ASB18: variants seen among roughly 807,000 people sequenced by gnomAD.
ASB18 encodes the protein ankyrin repeat and SOCS box containing 18, also known as ankyrin repeat and SOCS box protein 18.
ASB18 carries 33 observed loss-of-function variants against 33.4 expected under a neutral mutation model. The observed-to-expected ratio is 0.99, with a 90% CI of 0.75 to 1.32. ASB18 has a LOEUF of 1.32. Ranked by LOEUF, ASB18 falls within the 40% of genes most tolerant of loss-of-function variation. ASB18 has a pLI of 0.00. For synonymous variants in ASB18, 295 were observed against 307.6 expected (o/e 0.96, Z 0.43); for missense variants, 694 against 655.5 (o/e 1.06, Z -0.64).
chr2:236,233,655 C>T (rs991074794), intron 3 of ASB18, among the ~76,000 whole-genome samples: 1 of 152,036 alleles, frequency 6.6e-6, no homozygotes. Context: ...TTTAAATATA[C>T]AGTTGACAAC....
In ASB18 at chr2:236,226,027, T is replaced by C. The variant is rs967329126; in HGVS notation, c.597-11161A>G. Among the ~76,000 whole-genome samples, 5 of 152,190 alleles carry C rather than the reference T, an allele frequency of 3.3e-5. No individual in the cohort carries two copies. Among genetic ancestry groups the C allele is most frequent in the African/African-American group, 9.7e-5 (4 of 41,440 alleles). ...CTAAAATCTACTGTGTTTAAAAAGATTGCAGAGAAAGTAGCTCTTTCTTGT... is the reference window on the plus strand; with the variant it reads ...CTAAAATCTACTGTGTTTAAAAAGACTGCAGAGAAAGTAGCTCTTTCTTGT... On this transcript the variant is annotated intron_variant, in intron 3 of 5. Transcript: ENST00000409749. The surrounding 1 kb of genome is among the most constrained non-coding windows in gnomAD (Gnocchi z 4.8).
In ASB18 at chr2:236,223,580, G is replaced by A. The variant is rs2060522821; in HGVS notation, c.597-8714C>T. Among the ~76,000 whole-genome samples, 1 of 152,144 alleles carries A rather than the reference G, an allele frequency of 6.6e-6. No homozygotes were observed. The highest frequency in any genetic ancestry group is 1.9e-4 in the East Asian group (1 of 5,202). On this transcript the variant is annotated intron_variant, in intron 3 of 5. Transcript: ENST00000409749. The surrounding 1 kb of genome is among the most constrained non-coding windows in gnomAD (Gnocchi z 4.6). ...GAGGTACACACGCAGAAATGCACAG[G>A]TCTTAAGAGCACAATTGAATGAATT...
chr2:236,262,702 C>G lies in ASB18; in HGVS notation c.205+1439G>C, dbSNP rs901731039. 2.6e-5 allele frequency among the ~76,000 whole-genome samples: 4 copies of G among 152,150 alleles called. No homozygotes were observed. Among genetic ancestry groups the G allele is most frequent in the African/African-American group, 9.7e-5 (4 of 41,420 alleles). On this transcript the variant is annotated intron_variant, in intron 1 of 5. Transcript: ENST00000409749. This position sits in a 1 kb window ranked among gnomAD's most constrained non-coding sequence, Gnocchi z 5.2. Reference sequence around the variant, plus strand: ...GTGATGACAACCTCCCCTAAACCCCCCCCAGGGCAATCTTCTAGAGAGATG... The same window carrying G: ...GTGATGACAACCTCCCCTAAACCCCGCCCAGGGCAATCTTCTAGAGAGATG...
chr2:236,214,304 C>T lies in ASB18; in HGVS notation c.1101+58G>A, dbSNP rs2060473515. ...GCCGCATGCAACCCAGCTCCCAGGC[C>T]GGTCACTAAGTGGCAAAACTCCAGG... is the stretch of plus-strand genomic sequence containing the variant. On this transcript the variant is annotated intron_variant, in intron 4 of 5. Coordinates refer to ENST00000409749, the MANE Select transcript of ASB18 (RefSeq NM_212556.4). This position sits in a 1 kb window ranked among gnomAD's most constrained non-coding sequence, Gnocchi z 6.5. 4 of 1,521,064 alleles carry T rather than the reference C, an allele frequency of 2.6e-6. No homozygotes were observed. The highest frequency in any genetic ancestry group is 2.6e-6 in the Non-Finnish European group (3 of 1,134,954). 94.2% of individuals were successfully genotyped at this position (1,521,064 alleles called of 1,614,324 possible). A position where few individuals can be genotyped will look rare whatever the true frequency, so the allele number is the denominator to read the frequency against.
rs1285585375 is a variant in ASB18, at chr2:236,219,781, C to T, written c.597-4915G>A. The stretch of plus-strand genomic sequence containing the variant: ...CCCAGCCTTGGCTGAGCCTTTTACT[C>T]CAAGGCAAGATTTTGTGAGTGGGTT... On this transcript the variant is annotated intron_variant, in intron 3 of 5. Transcript: ENST00000409749. This position sits in a 1 kb window ranked among gnomAD's most constrained non-coding sequence, Gnocchi z 6.4. Among the ~76,000 whole-genome samples, 1 of 152,134 alleles carries T rather than the reference C, an allele frequency of 6.6e-6. No homozygotes were observed. The highest frequency in any genetic ancestry group is 2.1e-4 in the South Asian group (1 of 4,816).
rs1331696297 is a variant in ASB18 at position 236,255,706 on chromosome 2, GCTTTTCCA to G, written c.205+8427_205+8434del. On this transcript the variant is annotated intron_variant, in intron 1 of 5. Coordinates refer to ENST00000409749, the MANE Select transcript of ASB18 (RefSeq NM_212556.4). This position sits in a 1 kb window ranked among gnomAD's most constrained non-coding sequence, Gnocchi z 4.4. Reference sequence around the variant, plus strand: ...TTCCTTTGCTGAATGGCTCCTCATGGCTTTTCCAAGTAAGTGTAAACACCTGTGCCTAG... The same window carrying G: ...TTCCTTTGCTGAATGGCTCCTCATGGAGTAAGTGTAAACACCTGTGCCTAG... Among the ~76,000 whole-genome samples, 4 of 152,160 alleles carry G rather than the reference GCTTTTCCA, an allele frequency of 2.6e-5. No individual in the cohort carries two copies. Among genetic ancestry groups the G allele is most frequent in the African/African-American group, 7.2e-5 (3 of 41,426 alleles).
In ASB18 at chr2:236,193,784, A is replaced by C. The variant is rs911053323; in HGVS notation, c.*1088T>G. 6.7e-6 allele frequency among the ~76,000 whole-genome samples: 1 copy of C among 149,108 alleles called. No individual in the cohort carries two copies. The highest frequency in any genetic ancestry group is 1.5e-5 in the Non-Finnish European group (1 of 66,896). Reference sequence around the variant, plus strand: ...CTCAAAACAAACAAACAAACAAACAAAAAAACAAAAAAGAAACAAGACTGA... The same window carrying C: ...CTCAAAACAAACAAACAAACAAACACAAAAACAAAAAAGAAACAAGACTGA... On this transcript the variant is annotated 3_prime_UTR_variant, in exon 6 of 6. Coordinates refer to ENST00000409749, the MANE Select transcript of ASB18 (RefSeq NM_212556.4). The surrounding 1 kb of genome is among the most constrained non-coding windows in gnomAD (Gnocchi z 5.0).
chr2:236,257,839 T>A lies in ASB18; in HGVS notation c.205+6302A>T, dbSNP rs1334066563. On this transcript the variant is annotated intron_variant, in intron 1 of 5. Coordinates refer to ENST00000409749, the MANE Select transcript of ASB18 (RefSeq NM_212556.4). This position sits in a 1 kb window ranked among gnomAD's most constrained non-coding sequence, Gnocchi z 5.5. ...AGGGCACTGGGTTTACAGTGCCAAT[T>A]GTCTGTGGAACCCAAGGTGTGTCAT... Among the ~76,000 whole-genome samples, 3 of 152,154 alleles carry A rather than the reference T, an allele frequency of 2.0e-5. No homozygotes were observed. The highest frequency in any genetic ancestry group is 7.2e-5 in the African/African-American group (3 of 41,450).
At position 236,228,081 on chromosome 2, in the gene ASB18, C is replaced by A. The variant is rs2060548560; in HGVS notation, c.596+9608G>T. ...TTTTTCACAAGATGATACCTTTTTA[C>A]ATCCCAGCAAATCATCTATCAGATG... On this transcript the variant is annotated intron_variant, in intron 3 of 5. Coordinates refer to ENST00000409749, the MANE Select transcript of ASB18 (RefSeq NM_212556.4). This position sits in a 1 kb window ranked among gnomAD's most constrained non-coding sequence, Gnocchi z 5.1. Among the ~76,000 whole-genome samples the A allele has an allele frequency of 6.6e-6, 1 of 152,208 alleles. No homozygotes were observed. Among genetic ancestry groups the A allele is most frequent in the African/African-American group, 2.4e-5 (1 of 41,440 alleles).
intron 4 of ASB18, among the ~76,000 whole-genome samples, chr2:236,212,590 T>C (rs991898777): frequency 1.3e-5 from 2 of 152,200 alleles, no homozygotes; most frequent in Admixed American, 1.3e-4. Context: ...CCAGATATTT[T>C]CCCCTTTTGG....
rs1053768527 is a variant in ASB18 at position 236,239,912 on chromosome 2, C to A, written c.328+1368G>T. On this transcript the variant is annotated intron_variant, in intron 2 of 5. Transcript: ENST00000409749. The surrounding 1 kb of genome is among the most constrained non-coding windows in gnomAD (Gnocchi z 5.6). ...GCCTGAGCTTGCCTCCCTCTCTTCC[C>A]AGCCTGTGTGGAGGCCTTGGGCCAC... 2.0e-5 allele frequency among the ~76,000 whole-genome samples: 3 copies of A among 152,350 alleles called. No homozygotes were observed. The highest frequency in any genetic ancestry group is 3.4e-3 in the Middle Eastern group (1 of 294).
rs1369204254 is a variant in ASB18 at position 236,223,084 on chromosome 2, C to T, written c.597-8218G>A. Among the ~76,000 whole-genome samples the T allele has an allele frequency of 1.3e-5, 2 of 152,170 alleles. No individual in the cohort carries two copies. The highest frequency in any genetic ancestry group is 2.4e-5 in the African/African-American group (1 of 41,446). On this transcript the variant is annotated intron_variant, in intron 3 of 5. Transcript: ENST00000409749. The surrounding 1 kb of genome is among the most constrained non-coding windows in gnomAD (Gnocchi z 4.6). ...TTTCACTGTGTGGTGTGCCTGCTTGCTGTTTGCCTTCTGCCATGAGTAAAA... is the reference window on the plus strand; with the variant it reads ...TTTCACTGTGTGGTGTGCCTGCTTGTTGTTTGCCTTCTGCCATGAGTAAAA...
Position 236,262,379 on chromosome 2 carries a change from C to T in ASB18, c.205+1762G>A, listed in dbSNP as rs1574675878. 2.0e-5 allele frequency among the ~76,000 whole-genome samples: 3 copies of T among 152,346 alleles called. 1 individual carries two copies. The South Asian group carries it at 6.2e-4, about 32-fold the overall frequency. ...GCAGCAGCCACAGCGGATGGCCATT[C>T]CTAACCCTGTACCTGATAGGGCTGG... On this transcript the variant is annotated intron_variant, in intron 1 of 5. Transcript: ENST00000409749. This position sits in a 1 kb window ranked among gnomAD's most constrained non-coding sequence, Gnocchi z 5.2.
rs1001613658 is a variant in ASB18, at chr2:236,259,733, C to T, written c.205+4408G>A. On this transcript the variant is annotated intron_variant, in intron 1 of 5. Coordinates refer to ENST00000409749, the MANE Select transcript of ASB18 (RefSeq NM_212556.4). This position sits in a 1 kb window ranked among gnomAD's most constrained non-coding sequence, Gnocchi z 4.4. Reference sequence around the variant, plus strand: ...TCTCAGGTCCATCCTTGCAGGAGAGCAGGTGCCTTCACAAGGGCACAGGCC... The same window carrying T: ...TCTCAGGTCCATCCTTGCAGGAGAGTAGGTGCCTTCACAAGGGCACAGGCC... 8.1e-6 allele frequency: 3 copies of T among 371,368 alleles called. No individual in the cohort carries two copies. Among genetic ancestry groups the T allele is most frequent in the South Asian group, 4.1e-5 (2 of 49,220 alleles). The allele number at this position is 371,368 out of a possible 1,614,324, so 23.0% of individuals were successfully genotyped here. A position where few individuals can be genotyped will look rare whatever the true frequency, so the allele number is the denominator to read the frequency against.
rs2060713271 is a variant in ASB18 at position 236,260,608 on chromosome 2, A to T, written c.205+3533T>A. ...ATGCCCATTTTAGGCTGCGACAGTG[A>T]GTCTTTGGGATTATGGCCTCAGAGA... On this transcript the variant is annotated intron_variant, in intron 1 of 5. Coordinates refer to ENST00000409749, the MANE Select transcript of ASB18 (RefSeq NM_212556.4). The surrounding 1 kb of genome is among the most constrained non-coding windows in gnomAD (Gnocchi z 5.1). 6.6e-6 allele frequency among the ~76,000 whole-genome samples: 1 copy of T among 152,182 alleles called. No individual in the cohort carries two copies. Among genetic ancestry groups the T allele is most frequent in the South Asian group, 2.1e-4 (1 of 4,824 alleles).
At position 236,211,830 on chromosome 2, in the gene ASB18, G is replaced by A. The variant is rs1196899816; in HGVS notation, c.1101+2532C>T. Among the ~76,000 whole-genome samples, 1 of 152,180 alleles carries A rather than the reference G, an allele frequency of 6.6e-6. No homozygotes were observed. Among genetic ancestry groups the A allele is most frequent in the Non-Finnish European group, 1.5e-5 (1 of 68,044 alleles). ...TTGCTTGTGGGATTCTCAGCATGGTGAATGCATCCTCATCCACCATCCTCT... is the reference window on the plus strand; with the variant it reads ...TTGCTTGTGGGATTCTCAGCATGGTAAATGCATCCTCATCCACCATCCTCT... On this transcript the variant is annotated intron_variant, in intron 4 of 5. Transcript: ENST00000409749. This position sits in a 1 kb window ranked among gnomAD's most constrained non-coding sequence, Gnocchi z 5.0.
rs1383983075 is a variant in ASB18, at chr2:236,203,702, C to T, written c.1102-7317G>A. Reference sequence around the variant, plus strand: ...GCAACATGGAGAAACCCTGTTTCTACAAAAAATACAAAAACTTAGCTGGGT... The same window carrying T: ...GCAACATGGAGAAACCCTGTTTCTATAAAAAATACAAAAACTTAGCTGGGT... On this transcript the variant is annotated intron_variant, in intron 4 of 5. Coordinates refer to ENST00000409749, the MANE Select transcript of ASB18 (RefSeq NM_212556.4). This position sits in a 1 kb window ranked among gnomAD's most constrained non-coding sequence, Gnocchi z 6.0. Among the ~76,000 whole-genome samples, 2 of 151,996 alleles carry T rather than the reference C, an allele frequency of 1.3e-5. No homozygotes were observed. The highest frequency in any genetic ancestry group is 2.4e-5 in the African/African-American group (1 of 41,386).
Position 236,209,682 on chromosome 2 carries a change from G to C in ASB18, c.1101+4680C>G, listed in dbSNP as rs992186877. Among the ~76,000 whole-genome samples the C allele has an allele frequency of 2.6e-5, 4 of 152,290 alleles. No individual in the cohort carries two copies. The highest frequency in any genetic ancestry group is 9.6e-5 in the African/African-American group (4 of 41,570). ...GCCCCCTACCTGGTGTGTTCTCTACGTCGAGCTTAGAAATTCCAAAATACT... is the reference window on the plus strand; with the variant it reads ...GCCCCCTACCTGGTGTGTTCTCTACCTCGAGCTTAGAAATTCCAAAATACT... On this transcript the variant is annotated intron_variant, in intron 4 of 5. Coordinates refer to ENST00000409749, the MANE Select transcript of ASB18 (RefSeq NM_212556.4). This position sits in a 1 kb window ranked among gnomAD's most constrained non-coding sequence, Gnocchi z 4.4.
Position 236,260,976 on chromosome 2 carries a change from T to C in ASB18, c.205+3165A>G, listed in dbSNP as rs1470550833. Among the ~76,000 whole-genome samples, 3 of 152,130 alleles carry C rather than the reference T, an allele frequency of 2.0e-5. No homozygotes were observed. Among genetic ancestry groups the C allele is most frequent in the Non-Finnish European group, 4.4e-5 (3 of 68,032 alleles). On this transcript the variant is annotated intron_variant, in intron 1 of 5. Transcript: ENST00000409749. This position sits in a 1 kb window ranked among gnomAD's most constrained non-coding sequence, Gnocchi z 5.1. The stretch of plus-strand genomic sequence containing the variant: ...CCTCGTTAATAAATGGAGACGTTGG[T>C]CTCGAGACAGACAGTGAGTTTCCTG...
Sources: gnomAD v4.1 joint callset for allele counts (sites outside exome capture counted in the v4.1 genomes callset) on GRCh38, gnomAD v4.1.1 for gene constraint, Gnocchi (gnomAD v3.1) non-coding constraint, MANE v1.5 for transcripts, NCBI Gene and HGNC (gene_info 2026-07-23, HGNC 2026-07-21) for gene names.